Variants in MRC1 observed in about 807,000 individuals in gnomAD.
MRC1 encodes the protein macrophage mannose receptor 1.
A neutral mutation model predicts 102.9 loss-of-function variants in MRC1; 62 were observed. The observed-to-expected ratio is 0.60, with a 90% CI of 0.49 to 0.74. MRC1 has a LOEUF of 0.74. Among genes scored for constraint, MRC1 ranks in the 30% least tolerant of loss-of-function variants. The pLI is 0.00. For synonymous variants in MRC1, 457 were observed against 298.4 expected (o/e 1.53, Z -5.48); for missense variants, 1,237 against 862.8 (o/e 1.43, Z -5.43).
Position 17,894,219 on chromosome 10 carries a change from G to A in MRC1, c.3157G>A (p.Val1053Ile). The A allele has an allele frequency of 1.1e-6, 1 of 872,532 alleles. No homozygotes were observed. Among genetic ancestry groups the A allele is most frequent in the Non-Finnish European group, 2.0e-6 (1 of 501,462 alleles). The allele number at this position is 872,532 out of a possible 1,614,324, so 54.0% of individuals were successfully genotyped here. A position where few individuals can be genotyped will look rare whatever the true frequency, so the allele number is the denominator to read the frequency against. The change falls in exon 23 of 30, where the codon GTT becomes ATT. Residue 1053 changes from valine to isoleucine, a missense_variant. By Grantham distance (29) the Val-to-Ile change is conservative. Transcript: ENST00000569591. The stretch of plus-strand genomic sequence containing the variant: ...CTCCATAAATATACAGGCTGACTGT[G>A]TTGTTATTATTGGAGGTGCATCAAA... Reference protein sequence around the residue: ...SSLSYEDADCVVIIGGASNEA... With the variant: ...SSLSYEDADCIVIIGGASNEA...
intron 23 of MRC1, 82 bp downstream of exon 23, chr10:17,894,394 C>CTTTTTTTTTTTTTTTTT (rs34625338): frequency 1.9e-4 from 76 of 406,288 alleles, no homozygotes; most frequent in African/African-American, 3.5e-4. Flanking sequence ...TTCTTTCTTT[C>CTTTTTTTTTTTTTTTTT]TTTTTTTTTT....
intron 22 of MRC1, among the ~76,000 whole-genome samples, chr10:17,890,276 TTGAG>T (rs1181115521): frequency 1.3e-5 from 2 of 152,196 alleles, no homozygotes; most frequent in Non-Finnish European, 2.9e-5. Context: ...TTTCTGCAGT[TTGAG>T]TGTGATGTGT....
intron 13 of MRC1, 146 bp from the exon 14 acceptor site, chr10:17,870,702 G>A: frequency 1.3e-6 from 1 of 757,064 alleles, no homozygotes; most frequent in Non-Finnish European, 2.4e-6. Context: ...TATTGCATAA[G>A]TCTTCTATTT....
intron 17 of MRC1, among the ~76,000 whole-genome samples, chr10:17,876,692 T>C (rs1054338928): frequency 5.6e-4 from 86 of 152,216 alleles, no homozygotes; most frequent in Non-Finnish European, 2.8e-4. Flanking sequence ...TTGTGTATCA[T>C]ATAGTTTAAT....
chr10:17,867,313 C>T (rs1280372961), intron 12 of MRC1, among the ~76,000 whole-genome samples: 3 of 136,720 alleles, frequency 2.2e-5, no homozygotes, highest in Non-Finnish European at 4.9e-5. Flanking sequence ...TTCCTTCTTC[C>T]TCCTTCCTTC....
At chr10:17,898,788 G>T (rs1833789664) in intron 24 of MRC1, among the ~76,000 whole-genome samples, 1 of 152,166 alleles carries the variant, frequency 6.6e-6, no homozygotes, top group Admixed American at 6.5e-5. Context: ...GACTAGGGAA[G>T]AGGCAGAAAA....
At position 17,873,154 on chromosome 10, in the gene MRC1, C is replaced by A. The variant is rs1554841930; in HGVS notation, c.2345-630C>A. ...CCTGAGTCCCTTTATCAGCTTTCAA[C>A]AAAATCCAGATATATCATTAACTAA... On this transcript the variant is annotated intron_variant, in intron 15 of 29. Transcript: ENST00000569591. Among the ~76,000 whole-genome samples the A allele has an allele frequency of 7.1e-3, 1,084 of 152,176 alleles. 3 individuals carry two copies. Among genetic ancestry groups the A allele is most frequent in the Non-Finnish European group, 0.011 (721 of 67,986 alleles).
At position 17,833,707 on chromosome 10, in the gene MRC1, C is replaced by G. The variant is rs995276504; in HGVS notation, c.670C>G (p.Pro224Ala). ...CAGTGAAAGCTTATGGAATAAAGACCCGCTGACCAGCGTTTCCTACCAGAT... is the reference window on the plus strand; with the variant it reads ...CAGTGAAAGCTTATGGAATAAAGACGCGCTGACCAGCGTTTCCTACCAGAT... ...EGSESLWNKD[P>A]LTSVSYQINS... is the part of the protein sequence containing the mutation. The change falls in exon 4 of 30, where the codon CCG becomes GCG. Residue 224 changes from proline to alanine, a missense_variant. Physicochemically the swap from Pro to Ala is conservative, Grantham distance 27. Transcript: ENST00000569591. 1 of 780,898 alleles carries G rather than the reference C, an allele frequency of 1.3e-6. No individual in the cohort carries two copies. The highest frequency in any genetic ancestry group is 2.4e-6 in the Non-Finnish European group (1 of 418,114). 48.4% of individuals were successfully genotyped at this position (780,898 alleles called of 1,614,324 possible).
At chr10:17,871,648 A>G (rs1383934743) in intron 14 of MRC1, among the ~76,000 whole-genome samples, 1 of 152,190 alleles carries the variant, frequency 6.6e-6, no homozygotes, top group Non-Finnish European at 1.5e-5. Flanking sequence ...TAAATTTAGG[A>G]ACTCCCAACA....
chr10:17,844,466 C>G (rs968996479), intron 5 of MRC1, among the ~76,000 whole-genome samples: 1 of 152,102 alleles, frequency 6.6e-6, no homozygotes, highest in Non-Finnish European at 1.5e-5. Flanking sequence ...TTGATCCATC[C>G]GCCTCAGCCT....
chr10:17,886,309 T>TTCCC (rs1200865098), intron 22 of MRC1, among the ~76,000 whole-genome samples: 7 of 150,550 alleles, frequency 4.6e-5, no homozygotes, highest in Middle Eastern at 6.8e-3. Context: ...CCTTCCTTCC[T>TTCCC]TCCTTCCCTC....
At chr10:17,907,029 C>G in intron 27 of MRC1, 30 bp downstream of exon 27, 1 of 779,762 alleles carries the variant, frequency 1.3e-6, no homozygotes, top group South Asian at 1.3e-5. Flanking sequence ...TATTTAATCA[C>G]AAATATTGTA....
rs1377588717 is a variant in MRC1 at position 17,875,030 on chromosome 10, A to G, written c.2387-60A>G. On this transcript the variant is annotated intron_variant, in intron 16 of 29. Coordinates refer to ENST00000569591, the MANE Select transcript of MRC1 (RefSeq NM_002438.4). ...TCCCTTTCACCTTTGTGTGCTGTAC[A>G]CACCAGATTCTTGAATTTGTCTGCA... The G allele has an allele frequency of 1.3e-5, 10 of 780,424 alleles. No individual in the cohort carries two copies. In the African/African-American group the frequency reaches 1.7e-4, roughly 13 times the overall value. 48.3% of individuals were successfully genotyped at this position (780,424 alleles called of 1,614,324 possible).
intron 4 of MRC1, 50 bp from the exon 5 acceptor site, chr10:17,840,643 T>G (rs1468517928): frequency 6.4e-6 from 5 of 777,538 alleles, no homozygotes; most frequent in Admixed American, 3.4e-5. Flanking sequence ...TCAACTGTTT[T>G]CTGAATGCCA....
In MRC1 at chr10:17,825,467, G is replaced by A. The variant is rs1008708249; in HGVS notation, c.463+1992G>A. Among the ~76,000 whole-genome samples the A allele has an allele frequency of 3.3e-5, 5 of 152,236 alleles. 1 individual carries two copies. Among genetic ancestry groups the A allele is most frequent in the African/African-American group, 1.2e-4 (5 of 41,536 alleles). Reference sequence around the variant, plus strand: ...GAGTTAGTTAATAAAGCTGGCAGGCGTGGTGGCTCACGCCTGTAATCCCAG... The same window carrying A: ...GAGTTAGTTAATAAAGCTGGCAGGCATGGTGGCTCACGCCTGTAATCCCAG... On this transcript the variant is annotated intron_variant, in intron 2 of 29. Transcript: ENST00000569591.
intron 5 of MRC1, among the ~76,000 whole-genome samples, chr10:17,842,262 C>T (rs986054103): frequency 5.3e-5 from 8 of 152,008 alleles, no homozygotes; most frequent in East Asian, 3.8e-4. Context: ...CTGCGCCTGG[C>T]GAAAATCTCC....
intron 9 of MRC1, among the ~76,000 whole-genome samples, chr10:17,858,207 G>T (rs1363186003): frequency 6.6e-6 from 1 of 152,144 alleles, no homozygotes; most frequent in African/African-American, 2.4e-5. Flanking sequence ...TAGAATTCTG[G>T]ATTGATGGTT....
At chr10:17,897,591 T>C (rs904301564) in intron 23 of MRC1, among the ~76,000 whole-genome samples, 2 of 152,204 alleles carry the variant, frequency 1.3e-5, no homozygotes, top group African/African-American at 2.4e-5. Context: ...TACAAACTCA[T>C]GGATCAAGTA....
intron 8 of MRC1, among the ~76,000 whole-genome samples, chr10:17,855,374 A>G (rs1434119800): frequency 6.6e-6 from 1 of 151,908 alleles, no homozygotes; most frequent in African/African-American, 2.4e-5. Context: ...GATCGAGACC[A>G]TCCTGGCTAA....
Sources: allele counts gnomAD v4.1 joint callset (sites outside exome capture counted in the v4.1 genomes callset), GRCh38; gene constraint gnomAD v4.1.1; transcripts MANE v1.5; gene names NCBI Gene and HGNC (gene_info 2026-07-23, HGNC 2026-07-21).